TBC1D5: variants seen among roughly 807,000 people sequenced by gnomAD.
The protein encoded by TBC1D5 is TBC1 domain family member 5.
A neutral mutation model predicts 100.3 loss-of-function variants in TBC1D5; 75 were observed. The observed-to-expected ratio is 0.75, with a 90% confidence interval of 0.62 to 0.91. The LOEUF is 0.91. Among genes scored for constraint, TBC1D5 ranks in the 40% least tolerant of loss-of-function variants. TBC1D5 has a pLI of 0.00. For missense variants in TBC1D5, 910 were observed against 942.4 expected (o/e 0.97, Z 0.45); for synonymous variants, 323 against 325.6 (o/e 0.99, Z 0.09).
chr3:17,299,700 T>C (rs1236865777), intron 14 of TBC1D5, among the ~76,000 whole-genome samples: 3 of 151,582 alleles, frequency 2.0e-5, no homozygotes, highest in Admixed American at 2.0e-4. Flanking sequence ...CTACTAAAAA[T>C]ACAAAAAAAT....
chr3:17,686,764 G>C (rs1303664978), intron 1 of TBC1D5, among the ~76,000 whole-genome samples: 1 of 152,114 alleles, frequency 6.6e-6, no homozygotes, highest in African/African-American at 2.4e-5. Context: ...TGTTTCTTAA[G>C]GGACATTTGG....
chr3:17,400,437 G>A (rs552100307), intron 8 of TBC1D5, among the ~76,000 whole-genome samples: 8 of 152,042 alleles, frequency 5.3e-5, no homozygotes, highest in East Asian at 3.9e-4. Flanking sequence ...AAGACTAACC[G>A]CCTTACCTCA....
intron 3 of TBC1D5, among the ~76,000 whole-genome samples, chr3:17,453,493 T>C (rs1175668722): frequency 6.6e-6 from 1 of 151,966 alleles, no homozygotes; most frequent in Non-Finnish European, 1.5e-5. Context: ...ACCTCAGAAA[T>C]TGAAAGAATC....
intron 3 of TBC1D5, among the ~76,000 whole-genome samples, chr3:17,506,804 C>T (rs1290931159): frequency 6.6e-6 from 1 of 151,038 alleles, no homozygotes; most frequent in Non-Finnish European, 1.5e-5. Flanking sequence ...TGAAATAGAC[C>T]ATATAAAAAT....
At chr3:17,625,841 T>C (rs1267983488) in intron 1 of TBC1D5, among the ~76,000 whole-genome samples, 1 of 152,108 alleles carries the variant, frequency 6.6e-6, no homozygotes, top group Admixed American at 6.6e-5. Flanking sequence ...CTACAGAAGA[T>C]AGCTTTAGTA....
intron 3 of TBC1D5, among the ~76,000 whole-genome samples, chr3:17,487,159 T>C (rs999979527): frequency 1.3e-5 from 2 of 152,174 alleles, no homozygotes; most frequent in Non-Finnish European, 2.9e-5. Context: ...TCAGGTTCCT[T>C]TCATGCTAAA....
intron 13 of TBC1D5, among the ~76,000 whole-genome samples, chr3:17,345,435 T>G (rs200290232): frequency 0.092 from 13,930 of 151,274 alleles, 1,413 homozygotes; most frequent in African/African-American, 0.25. Flanking sequence ...TGCTGGAGAG[T>G]ATGTGGAGAA....
intron 17 of TBC1D5, among the ~76,000 whole-genome samples, chr3:17,234,362 T>C (rs756579477): frequency 9.9e-5 from 15 of 151,366 alleles, no homozygotes; most frequent in Non-Finnish European, 2.1e-4. Context: ...ATTGGACTTA[T>C]AGTAAGTGCT....
chr3:17,298,837 A>G (rs1417972302), intron 14 of TBC1D5, among the ~76,000 whole-genome samples: 1 of 152,182 alleles, frequency 6.6e-6, no homozygotes, highest in Non-Finnish European at 1.5e-5. Context: ...AAAGATCAGT[A>G]GTTTCCAGGA....
At chr3:17,371,935 G>T in intron 13 of TBC1D5, 140 bp downstream of exon 13, 1 of 688,624 alleles carries the variant, frequency 1.5e-6, no homozygotes, top group Non-Finnish European at 2.1e-6. Flanking sequence ...TACTTGGGAA[G>T]CTGAGATGGG....
intron 20 of TBC1D5, among the ~76,000 whole-genome samples, chr3:17,167,402 A>T (rs1387473371): frequency 6.6e-6 from 1 of 152,204 alleles, no homozygotes; most frequent in East Asian, 1.9e-4. Flanking sequence ...TGCTGTAGGT[A>T]CTAATTATGA....
chr3:17,290,662 GT>G (rs1269267518), intron 15 of TBC1D5, among the ~76,000 whole-genome samples: 2 of 152,024 alleles, frequency 1.3e-5, no homozygotes, highest in Non-Finnish European at 2.9e-5. Flanking sequence ...ATCTTGTGGG[GT>G]TTTTTTGGGG....
At chr3:17,273,742 G>T (rs541102641) in intron 15 of TBC1D5, among the ~76,000 whole-genome samples, 2 of 151,356 alleles carry the variant, frequency 1.3e-5, no homozygotes, top group Non-Finnish European at 2.9e-5. Context: ...GGGAGGTGGA[G>T]GTTGCAGTGA....
chr3:17,237,179 T>C (rs1398120083), intron 17 of TBC1D5, among the ~76,000 whole-genome samples: 1 of 152,198 alleles, frequency 6.6e-6, no homozygotes, highest in Non-Finnish European at 1.5e-5. Flanking sequence ...AAGACATGAA[T>C]GACACTTGGG....
chr3:17,256,754 A>T (rs2077730521), intron 16 of TBC1D5, among the ~76,000 whole-genome samples: 1 of 152,224 alleles, frequency 6.6e-6, no homozygotes. Context: ...GGGGAGACAG[A>T]TTATAAATAC....
chr3:17,467,092 A>G (rs1301779357), intron 3 of TBC1D5, among the ~76,000 whole-genome samples: 1 of 151,914 alleles, frequency 6.6e-6, no homozygotes, highest in African/African-American at 2.4e-5. Context: ...ACCCGTCAAG[A>G]GTTCTCCTCC....
chr3:17,615,296 T>C (rs2062050122), intron 2 of TBC1D5, among the ~76,000 whole-genome samples: 1 of 152,226 alleles, frequency 6.6e-6, no homozygotes, highest in African/African-American at 2.4e-5. Context: ...CAGTATTTTA[T>C]TGAGGATTTT....
chr3:17,374,305 T>C (rs1203065688), intron 12 of TBC1D5, among the ~76,000 whole-genome samples, 166 bp downstream of exon 12: 1 of 152,114 alleles, frequency 6.6e-6, no homozygotes, highest in Non-Finnish European at 1.5e-5. Flanking sequence ...GCCAATATGA[T>C]TAGAAATATA....
chr3:17,470,325 C>A (rs1186772308), intron 3 of TBC1D5, among the ~76,000 whole-genome samples: 1 of 152,086 alleles, frequency 6.6e-6, no homozygotes, highest in Non-Finnish European at 1.5e-5. Context: ...TCACCCAATC[C>A]CTTAGAAAAC....
Sources: allele counts gnomAD v4.1 joint callset (sites outside exome capture counted in the v4.1 genomes callset), GRCh38; gene constraint gnomAD v4.1.1; transcripts MANE v1.5; gene names NCBI Gene and HGNC (gene_info 2026-07-23, HGNC 2026-07-21).